TRIM22: variants seen among roughly 807,000 people sequenced by gnomAD.
TRIM22 encodes E3 ubiquitin-protein ligase TRIM22.
Under a neutral mutation model 53.6 loss-of-function variants are expected in TRIM22, and 45 were observed. That is an observed-to-expected ratio of 0.84 (90% CI 0.66 to 1.08). The LOEUF (loss-of-function observed/expected upper bound fraction) is 1.08, where lower values mean the gene tolerates loss of function less well. Ranked by LOEUF, TRIM22 falls within the 50% of genes least tolerant of loss-of-function variation. The pLI, the probability that TRIM22 is intolerant of heterozygous loss-of-function variation, is 0.00. For missense variants in TRIM22, 616 were observed against 590.9 expected (o/e 1.04, Z -0.44); for synonymous variants, 225 against 216.6 (o/e 1.04, Z -0.34).
chr11:5,700,777 C>T (rs1363992060), intron 4 of TRIM22, among the ~76,000 whole-genome samples: 3 of 151,670 alleles, frequency 2.0e-5, no homozygotes, highest in African/African-American at 7.3e-5. Context: ...CCGCCCACCA[C>T]CACATCCAGC....
chr11:5,693,510 G>A (rs1277872615), intron 1 of TRIM22, among the ~76,000 whole-genome samples: 2 of 151,824 alleles, frequency 1.3e-5, no homozygotes, highest in Non-Finnish European at 2.9e-5. Context: ...CATGAGGTCC[G>A]GAGATCGAGA....
At chr11:5,698,638 G>A in intron 4 of TRIM22, 93 bp downstream of exon 4, 1 of 1,063,042 alleles carries the variant, frequency 9.4e-7, no homozygotes. Flanking sequence ...GCTTTCTTCT[G>A]TGTGGTGACA....
At chr11:5,701,158 G>GT (rs1280031723) in intron 4 of TRIM22, among the ~76,000 whole-genome samples, 1 of 152,096 alleles carries the variant, frequency 6.6e-6, no homozygotes, top group Non-Finnish European at 1.5e-5. Context: ...CTGGTTTCTG[G>GT]TTTTCCTTTC....
chr11:5,703,538 A>G (rs1853408385), intron 4 of TRIM22, among the ~76,000 whole-genome samples: 1 of 151,912 alleles, frequency 6.6e-6, no homozygotes, highest in African/African-American at 2.4e-5. Context: ...GGCGCCTGCA[A>G]CCACGCCCGG....
chr11:5,699,554 AAAAAAAAAAAAAAAAG>A, intron 4 of TRIM22, among the ~76,000 whole-genome samples: 1 of 121,892 alleles, frequency 8.2e-6, no homozygotes, highest in South Asian at 2.4e-4. Context: ...AAAAAAAAAA[AAAAAAAAAAAAAAAAG>A]AGTGTTGTAT....
intron 4 of TRIM22, 110 bp downstream of exon 4, chr11:5,698,655 G>T: frequency 1.1e-6 from 1 of 906,834 alleles, no homozygotes; most frequent in East Asian, 2.7e-5. Context: ...GACATGAAAT[G>T]GTTCCTTTGG....
At chr11:5,703,666 T>C (rs1853411329) in intron 4 of TRIM22, among the ~76,000 whole-genome samples, 1 of 144,814 alleles carries the variant, frequency 6.9e-6, no homozygotes, top group Non-Finnish European at 1.5e-5. Context: ...ACTACAGGCA[T>C]GAGCCACCGC....
At chr11:5,696,912 TGCCCCTCCAAGAAGAACAGTA>T in intron 2 of TRIM22, 1 of 528,532 alleles carries the variant, frequency 1.9e-6, no homozygotes, top group Non-Finnish European at 3.3e-6. Context: ...AAGCTTTCAT[TGCCCCTCCAAGAAGAACAGTA>T]TTTTTGGGAA....
At chr11:5,704,980 G>A (rs71490148) in intron 4 of TRIM22, among the ~76,000 whole-genome samples, 14,240 of 152,046 alleles carry the variant, frequency 0.094, 707 homozygotes, top group Middle Eastern at 0.15. Context: ...GGACCATAGA[G>A]GACAATATTT....
At chr11:5,698,685 G>A (rs1216633986) in intron 4 of TRIM22, 140 bp downstream of exon 4, 14 of 665,840 alleles carry the variant, frequency 2.1e-5, no homozygotes, top group Non-Finnish European at 3.4e-5. Flanking sequence ...CCCCTTTTAT[G>A]CCCATCATTT....
intron 4 of TRIM22, among the ~76,000 whole-genome samples, chr11:5,705,560 T>A (rs1853445408): frequency 6.6e-6 from 1 of 152,036 alleles, no homozygotes; most frequent in Non-Finnish European, 1.5e-5. Flanking sequence ...GGGTGTGAAG[T>A]CAACTGGAGG....
At chr11:5,696,802 C>G (rs1853271077) in intron 2 of TRIM22, 147 bp downstream of exon 2, 4 of 855,944 alleles carry the variant, frequency 4.7e-6, no homozygotes, top group Non-Finnish European at 3.5e-6. Context: ...TGCTTAGTTT[C>G]TGATGCCTGA....
At chr11:5,692,110 A>C (rs1292119426) in intron 1 of TRIM22, among the ~76,000 whole-genome samples, 1 of 152,244 alleles carries the variant, frequency 6.6e-6, no homozygotes, top group Non-Finnish European at 1.5e-5. Flanking sequence ...AAAAGGAAGT[A>C]AACACGCAGT....
In TRIM22 at chr11:5,693,961, C is replaced by T. The variant is rs577628448; in HGVS notation, c.-66-2206C>T. Among the ~76,000 whole-genome samples the T allele has an allele frequency of 2.0e-5, 3 of 152,238 alleles. No homozygotes were observed. In the South Asian group the frequency reaches 6.2e-4, roughly 32 times the overall value. Reference sequence around the variant, plus strand: ...CTCTCTTCTAGCTTCTAATAGTTTCCTGGAAACCTTTAGCATTCCTTGGCT... The same window carrying T: ...CTCTCTTCTAGCTTCTAATAGTTTCTTGGAAACCTTTAGCATTCCTTGGCT... On this transcript the variant is annotated intron_variant, in intron 1 of 7. Coordinates refer to ENST00000379965, the MANE Select transcript of TRIM22 (RefSeq NM_006074.5).
chr11:5,701,163 C>G (rs917055326), intron 4 of TRIM22, among the ~76,000 whole-genome samples: 1 of 152,046 alleles, frequency 6.6e-6, no homozygotes, highest in Non-Finnish European at 1.5e-5. Flanking sequence ...TTCTGGTTTT[C>G]CTTTCTCATA....
intron 4 of TRIM22, among the ~76,000 whole-genome samples, chr11:5,700,122 T>A (rs890298921): frequency 6.6e-6 from 1 of 152,010 alleles, no homozygotes; most frequent in Non-Finnish European, 1.5e-5. Flanking sequence ...TGGTTTTTTT[T>A]TTTTGGTGTA....
At position 5,696,361 on chromosome 11, in the gene TRIM22, C is replaced by G. The variant is rs375540431; in HGVS notation, c.129C>G (p.Ile43Met). Residue 43 changes from isoleucine (I) to methionine (M), a missense_variant, in exon 2 of 8, where the codon ATC (isoleucine) becomes ATG (methionine). Coordinates refer to ENST00000379965, the MANE Select transcript of TRIM22 (RefSeq NM_006074.5). The part of the protein sequence containing the change: ...SFCQACITAK[I>M]KESVIISRGE... The stretch of plus-strand genomic sequence containing the variant: ...GCCAAGCCTGCATCACTGCAAAGAT[C>G]AAGGAGTCAGTGATCATCTCAAGAG... 6.2e-6 allele frequency: 10 copies of G among 1,614,136 alleles called. No individual in the cohort carries two copies. In the African/African-American group the frequency reaches 1.3e-4, roughly 22 times the overall value.
chr11:5,698,224 G>A, intron 3 of TRIM22, 91 bp from the exon 4 acceptor site: 1 of 1,050,314 alleles, frequency 9.5e-7, no homozygotes, highest in Non-Finnish European at 1.4e-6. Context: ...AACTCCCTGA[G>A]GAAAACTGTT....
Position 5,696,297 on chromosome 11 carries a change from T to C in TRIM22, c.65T>C (p.Leu22Pro). Residue 22 changes from leucine (L) to proline (P), a missense_variant, in exon 2 of 8, where the codon CTG becomes CCG. Physicochemically the swap from Leu to Pro is moderately conservative, Grantham distance 98 (BLOSUM62 -3). Transcript: ENST00000379965. Reference sequence around the variant, plus strand: ...ACCTGCCCCATCTGCCTGGAGCTCCTGACAGAACCTCTGAGCCTAGATTGT... The same window carrying C: ...ACCTGCCCCATCTGCCTGGAGCTCCCGACAGAACCTCTGAGCCTAGATTGT... ...EVTCPICLEL[L>P]TEPLSLDCGH... 1 of 1,614,140 alleles carries C rather than the reference T, an allele frequency of 6.2e-7. No homozygotes were observed. The highest frequency in any genetic ancestry group is 8.5e-7 in the Non-Finnish European group (1 of 1,180,004).
Sources: allele counts gnomAD v4.1 joint callset (sites outside exome capture counted in the v4.1 genomes callset), GRCh38; gene constraint gnomAD v4.1.1; transcripts MANE v1.5; gene names NCBI Gene and HGNC (gene_info 2026-07-23, HGNC 2026-07-21).